NRXN3: variants seen among roughly 807,000 people sequenced by gnomAD.
NRXN3 encodes the protein neurexin III.
NRXN3 carries 32 observed loss-of-function variants against 137.6 expected under a neutral mutation model. The ratio of observed to expected loss-of-function variants is 0.23; its 90% confidence interval spans 0.18 to 0.31. The LOEUF is 0.31. Ranked by LOEUF, NRXN3 falls within the 10% of genes least tolerant of loss-of-function variation. The probability of loss-of-function intolerance (pLI) is 1.00; values close to 1 mark genes in which losing one functional copy is unlikely to be tolerated. For synonymous variants in NRXN3, 798 were observed against 784.5 expected, an observed-to-expected ratio of 1.02 and a Z score of -0.29; for missense variants, 1,574 against 2,062.5, an observed-to-expected ratio of 0.76 and a Z score of 4.59.
intron 19 of NRXN3, among the ~76,000 whole-genome samples, chr14:79,706,432 T>TTC (rs2098779579): frequency 6.7e-6 from 1 of 150,016 alleles, no homozygotes; most frequent in South Asian, 2.1e-4. Flanking sequence ...TTTTTTTTTT[T>TTC]TTTTTTTGGT....
chr14:78,334,244 A>G (rs1302271443), intron 4 of NRXN3, among the ~76,000 whole-genome samples: 2 of 152,108 alleles, frequency 1.3e-5, no homozygotes, highest in Non-Finnish European at 2.9e-5. Context: ...AGTTCAGGGG[A>G]GAGGGTCAGG....
At chr14:79,060,710 C>G (rs2099673163) in intron 15 of NRXN3, among the ~76,000 whole-genome samples, 1 of 152,076 alleles carries the variant, frequency 6.6e-6, no homozygotes, top group African/African-American at 2.4e-5. Flanking sequence ...TCTCAGCTTC[C>G]TATAAAACTA....
intron 11 of NRXN3, among the ~76,000 whole-genome samples, chr14:78,960,128 T>A (rs1481645423): frequency 6.6e-6 from 1 of 152,216 alleles, no homozygotes; most frequent in Non-Finnish European, 1.5e-5. Flanking sequence ...TAATTTGATT[T>A]TTTGAAATTA....
intron 4 of NRXN3, among the ~76,000 whole-genome samples, chr14:78,617,411 G>GTTTACAGCC: frequency 6.6e-6 from 1 of 152,274 alleles, no homozygotes; most frequent in South Asian, 2.1e-4. Flanking sequence ...TAGGGCTGGG[G>GTTTACAGCC]TTTACAGCCA....
At chr14:79,059,185 T>A (rs1231782473) in intron 15 of NRXN3, among the ~76,000 whole-genome samples, 2 of 151,496 alleles carry the variant, frequency 1.3e-5, no homozygotes, top group Non-Finnish European at 2.9e-5. Context: ...ATTCTCCTTA[T>A]CACCAGCAGA....
chr14:78,195,964 C>T (rs1253136338), intron 1 of NRXN3, among the ~76,000 whole-genome samples: 2 of 152,192 alleles, frequency 1.3e-5, no homozygotes, highest in Non-Finnish European at 2.9e-5. Context: ...TATCCATGGT[C>T]ACACAGCCAG....
rs573563577 is a variant in NRXN3, at chr14:79,855,160, T to G, written c.4094-6182T>G. On this transcript the variant is annotated intron_variant, in intron 20 of 20. Transcript: ENST00000335750. ...TCTAAAGTTATACTTAGAAAATATT[T>G]CAGGTGGGTACCATCATCGTGTAAC... 2.6e-5 allele frequency among the ~76,000 whole-genome samples: 4 copies of G among 152,344 alleles called. No individual in the cohort carries two copies. In the South Asian group the frequency reaches 8.3e-4, roughly 32 times the overall value.
chr14:79,239,111 A>G (rs1309787693), intron 15 of NRXN3, among the ~76,000 whole-genome samples: 2 of 152,128 alleles, frequency 1.3e-5, no homozygotes, highest in African/African-American at 4.8e-5. Context: ...CATAGTTATG[A>G]TAAGGTTTAA....
At chr14:79,699,893 T>A (rs1173503553) in intron 19 of NRXN3, among the ~76,000 whole-genome samples, 1 of 152,030 alleles carries the variant, frequency 6.6e-6, no homozygotes, top group Non-Finnish European at 1.5e-5. Context: ...AAGTACATCC[T>A]CTTGGAGGAA....
chr14:79,402,354 T>C (rs1314222986), intron 15 of NRXN3, among the ~76,000 whole-genome samples: 1 of 152,238 alleles, frequency 6.6e-6, no homozygotes, highest in Admixed American at 6.5e-5. Flanking sequence ...GCAATGCACA[T>C]GCATATTCAT....
chr14:78,654,213 G>A (rs1026612783), intron 6 of NRXN3, among the ~76,000 whole-genome samples: 5 of 152,154 alleles, frequency 3.3e-5, no homozygotes, highest in African/African-American at 1.2e-4. Context: ...AACAGCAAAG[G>A]CTATGTTAGG....
intron 15 of NRXN3, among the ~76,000 whole-genome samples, chr14:79,378,876 T>TAA (rs66538778): frequency 3.5e-5 from 5 of 143,584 alleles, no homozygotes; most frequent in African/African-American, 1.3e-4. Flanking sequence ...TGAACAGATT[T>TAA]AAAAAAAAAA....
intron 4 of NRXN3, among the ~76,000 whole-genome samples, chr14:78,544,257 G>T (rs567551924): frequency 5.9e-5 from 9 of 152,334 alleles, no homozygotes; most frequent in Admixed American, 2.6e-4. Flanking sequence ...GGCACAAGAG[G>T]TGTCTCATAC....
At chr14:78,994,930 A>G (rs1003122629) in intron 15 of NRXN3, among the ~76,000 whole-genome samples, 11 of 152,184 alleles carry the variant, frequency 7.2e-5, no homozygotes, top group Admixed American at 6.5e-4. Context: ...TTATAGTACG[A>G]TACTCCTGAT....
intron 15 of NRXN3, among the ~76,000 whole-genome samples, chr14:79,306,008 C>T (rs2085987865): frequency 6.6e-6 from 1 of 152,074 alleles, no homozygotes; most frequent in African/African-American, 2.4e-5. Context: ...CAGTTGCGTT[C>T]CAGTGTGAAA....
intron 15 of NRXN3, among the ~76,000 whole-genome samples, chr14:79,160,286 T>A (rs780916284): frequency 1.3e-5 from 2 of 151,990 alleles, no homozygotes; most frequent in Non-Finnish European, 2.9e-5. Flanking sequence ...TGTGTTAAAT[T>A]GTCATTGCCA....
chr14:79,303,412 T>C (rs2085476786), intron 15 of NRXN3, among the ~76,000 whole-genome samples: 1 of 152,098 alleles, frequency 6.6e-6, no homozygotes, highest in South Asian at 2.1e-4. Context: ...TTTTTCTGCC[T>C]TGTGCAGGAA....
At chr14:79,763,487 T>TTCA (rs2099045863) in intron 19 of NRXN3, among the ~76,000 whole-genome samples, 1 of 88,352 alleles carries the variant, frequency 1.1e-5, no homozygotes, top group African/African-American at 4.6e-5. Flanking sequence ...ACTAATGCCA[T>TTCA]TCATGACAGT....
chr14:79,346,845 C>T (rs910217834), intron 15 of NRXN3, among the ~76,000 whole-genome samples: 24 of 152,162 alleles, frequency 1.6e-4, no homozygotes, highest in African/African-American at 5.6e-4. Context: ...ACTATGTCTT[C>T]CCCAACTTCA....
Sources: gnomAD v4.1 joint callset for allele counts (sites outside exome capture counted in the v4.1 genomes callset) on GRCh38, gnomAD v4.1.1 for gene constraint, MANE v1.5 for transcripts, NCBI Gene and HGNC (gene_info 2026-07-23, HGNC 2026-07-21) for gene names.